Variants in ENO1 observed in about 807,000 individuals in gnomAD.
ENO1 encodes alpha-enolase.
ENO1 carries 33 observed loss-of-function variants against 46.3 expected under a neutral mutation model. The ratio of observed to expected loss-of-function variants is 0.71; its 90% CI spans 0.54 to 0.95. ENO1 has a LOEUF of 0.95. ENO1 is among the 40% of genes least tolerant of loss of function. The probability of loss-of-function intolerance (pLI) is 0.00; values close to 1 mark genes in which losing one functional copy is unlikely to be tolerated. For missense variants in ENO1, 488 were observed against 553.3 expected (o/e 0.88, Z 1.18); for synonymous variants, 220 against 216.0 (o/e 1.02, Z -0.16).
chr1:8,862,816 C>T, intron 11 of ENO1, 71 bp downstream of exon 11: 1 of 1,532,802 alleles, frequency 6.5e-7, no homozygotes, highest in Non-Finnish European at 8.9e-7. Context: ...TGGGGGAGGG[C>T]AGTGCCTACA....
At position 8,873,289 on chromosome 1, in the gene ENO1, C is replaced by A. The variant is rs141436119; in HGVS notation, c.86-1303G>T. Among the ~76,000 whole-genome samples the A allele has an allele frequency of 2.1e-3, 325 of 152,282 alleles. 1 individual carries two copies. The highest frequency in any genetic ancestry group is 7.6e-3 in the African/African-American group (316 of 41,560). Reference sequence around the variant, plus strand: ...CTCATGGGTTTATGTACCTCTGCACCTTCCGCCTGCTTCTGCTGTGAACCT... The same window carrying A: ...CTCATGGGTTTATGTACCTCTGCACATTCCGCCTGCTTCTGCTGTGAACCT... On this transcript the variant is annotated intron_variant, in intron 2 of 11. Coordinates refer to ENST00000234590, the MANE Select transcript of ENO1 (RefSeq NM_001428.5).
In ENO1 at chr1:8,870,856, T is replaced by C. The variant is rs574896386; in HGVS notation, c.182-346A>G. 3 of 1,317,682 alleles carry C rather than the reference T, an allele frequency of 2.3e-6. No individual in the cohort carries two copies. In the African/African-American group the frequency reaches 4.4e-5, roughly 19 times the overall value. 81.6% of individuals were successfully genotyped at this position (1,317,682 alleles called of 1,614,324 possible). ...GCACAGGGCTGGTGCCAGGAACTCATTAATATACTTAATGGGTCTGGAGAC... is the reference window on the plus strand; with the variant it reads ...GCACAGGGCTGGTGCCAGGAACTCACTAATATACTTAATGGGTCTGGAGAC... On this transcript the variant is annotated intron_variant, in intron 3 of 11. Transcript: ENST00000234590.
intron 7 of ENO1, among the ~76,000 whole-genome samples, chr1:8,865,695 T>C (rs1436461106): frequency 6.6e-6 from 1 of 152,204 alleles, no homozygotes; most frequent in South Asian, 2.1e-4. Flanking sequence ...TTCAGCTCTC[T>C]TTCCAAGAAA....
At chr1:8,861,880 TAAAAAA>T (rs749592337) in intron 11 of ENO1, among the ~76,000 whole-genome samples, 2 of 112,588 alleles carry the variant, frequency 1.8e-5, no homozygotes, top group African/African-American at 7.1e-5. Flanking sequence ...ATCTTGATGT[TAAAAAA>T]AAAAAAAAAA....
At chr1:8,875,953 G>A (rs113265746) in intron 1 of ENO1, 1 of 151,824 alleles carries the variant, frequency 6.6e-6, no homozygotes, top group Non-Finnish European at 1.5e-5. Flanking sequence ...TTCCCAACGG[G>A]GTTTTATAAT....
chr1:8,862,892 G>A lies in ENO1; in HGVS notation c.1230C>T (p.Leu410=), dbSNP rs1321471918. The change falls in exon 11 of 12, where the codon CTC becomes CTT. Residue 410 remains leucine (L), a synonymous_variant. Transcript: ENST00000234590. ...RSERLAKYNQ[L]LRIEEELGSK... is the part of the protein sequence containing the mutation. ...TTCTCAGGAGCCCTCCTTACCTGAG[G>A]AGCTGGTTGTACTTGGCCAAGCGCT... 1.9e-6 allele frequency: 3 copies of A among 1,613,968 alleles called. No individual in the cohort carries two copies. The highest frequency in any genetic ancestry group is 8.5e-7 in the Non-Finnish European group (1 of 1,179,988).
In ENO1 at chr1:8,867,141, G is replaced by A. The variant is rs770911403; in HGVS notation, c.420C>T (p.Asn140=). 5 of 1,614,146 alleles carry A rather than the reference G, an allele frequency of 3.1e-6. No individual in the cohort carries two copies. Among genetic ancestry groups the A allele is most frequent in the Admixed American group, 1.7e-5 (1 of 60,008 alleles). The change falls in exon 6 of 12, where the codon AAC becomes AAT. Residue 140 remains asparagine (N), a synonymous_variant. Transcript: ENST00000234590. ...CCGGGACTGGCAGGATGACTTCAGA[G>A]TTGCCAGCCAAGTCAGCGATGTGGC... is the stretch of plus-strand genomic sequence containing the variant. ...LYRHIADLAG[N]SEVILPVPAF... is the part of the protein sequence containing the mutation.
chr1:8,862,826 A>G, intron 11 of ENO1, 61 bp downstream of exon 11: 1 of 1,585,168 alleles, frequency 6.3e-7, no homozygotes, highest in East Asian at 2.3e-5. Context: ...CAGTGCCTAC[A>G]CTGAGTGCAG....
At chr1:8,867,824 C>G (rs1642555026) in intron 5 of ENO1, among the ~76,000 whole-genome samples, 164 bp downstream of exon 5, 1 of 152,196 alleles carries the variant, frequency 6.6e-6, no homozygotes, top group Admixed American at 6.5e-5. Context: ...GCCACCGCAC[C>G]TGGCCAAAAG....
intron 5 of ENO1, 143 bp from the exon 6 acceptor site, chr1:8,867,393 C>T: frequency 1.8e-5 from 22 of 1,218,122 alleles, no homozygotes; most frequent in Non-Finnish European, 2.5e-5. Flanking sequence ...ATACAAATAG[C>T]ATTCTATGTG....
intron 1 of ENO1, chr1:8,878,054 AAGCGCGGGCCGCG>A (rs1283632300): frequency 2.0e-4 from 31 of 154,838 alleles, no homozygotes; most frequent in South Asian, 7.1e-4. Flanking sequence ...TACTAGGCAG[AAGCGCGGGCCGCG>A]AGCGCGGGCG....
At chr1:8,865,232 C>T (rs1432970955) in intron 8 of ENO1, 53 bp downstream of exon 8, 1 of 1,599,444 alleles carries the variant, frequency 6.3e-7, no homozygotes, top group African/African-American at 1.3e-5. Context: ...GCTCCAGCTG[C>T]CCTGCTGCAG....
chr1:8,861,060 G>A lies in ENO1; in HGVS notation c.*300C>T, dbSNP rs1041690198. On this transcript the variant is annotated 3_prime_UTR_variant, in exon 12 of 12. Transcript: ENST00000234590. ...CACAAAACCACCGGGGATCTAGCCT[G>A]TGGCCACCCCGGAGATGACACGAGG... 5.8e-6 allele frequency: 2 copies of A among 344,834 alleles called. No individual in the cohort carries two copies. The highest frequency in any genetic ancestry group is 4.4e-5 in the Admixed American group (1 of 22,964). The allele number at this position is 344,834 out of a possible 1,614,324, so 21.4% of individuals were successfully genotyped here. A position where few individuals can be genotyped will look rare whatever the true frequency, so the allele number is the denominator to read the frequency against.
chr1:8,863,274 G>C lies in ENO1; in HGVS notation c.1137C>G (p.Thr379=). The C allele has an allele frequency of 2.5e-6, 4 of 1,614,174 alleles. No homozygotes were observed. The highest frequency in any genetic ancestry group is 3.4e-6 in the Non-Finnish European group (4 of 1,180,034). ...GCCCCACAACCAGGTCAGCGATGAAGGTATCTTCAGTCTCCCCCGAACGAT... is the reference window on the plus strand; with the variant it reads ...GCCCCACAACCAGGTCAGCGATGAACGTATCTTCAGTCTCCCCCGAACGAT... The part of the protein sequence containing the change: ...VSHRSGETED[T]FIADLVVGLC... The change falls in exon 10 of 12, where the codon ACC becomes ACG. Residue 379 remains threonine (T), a synonymous_variant. Transcript: ENST00000234590.
intron 1 of ENO1, chr1:8,875,938 ATTTC>A (rs1427267426): frequency 6.6e-6 from 1 of 151,928 alleles, no homozygotes; most frequent in Admixed American, 6.6e-5. Context: ...ACATCTAATT[ATTTC>A]TTCCCAACGG....
intron 11 of ENO1, among the ~76,000 whole-genome samples, chr1:8,861,972 C>T (rs138511329): frequency 7.9e-5 from 12 of 151,130 alleles, no homozygotes; most frequent in African/African-American, 2.7e-4. Flanking sequence ...ATGGTGAAAC[C>T]CCGTCTCTAT....
At chr1:8,878,047 T>TA (rs1642773195) in intron 1 of ENO1, 1 of 154,406 alleles carries the variant, frequency 6.5e-6, no homozygotes, top group East Asian at 1.9e-4. Context: ...CACCGCTTAC[T>TA]AGGCAGAAGC....
intron 2 of ENO1, among the ~76,000 whole-genome samples, chr1:8,874,404 C>T (rs1352971217): frequency 6.6e-6 from 1 of 151,556 alleles, no homozygotes; most frequent in African/African-American, 2.4e-5. Context: ...TGGTGAAACC[C>T]CCGTCTCTCC....
chr1:8,866,233 T>C (rs1424776605), intron 7 of ENO1, 46 bp downstream of exon 7: 1 of 1,555,358 alleles, frequency 6.4e-7, no homozygotes, highest in African/African-American at 1.4e-5. Flanking sequence ...CAGAGGGAGC[T>C]GGCGCTGCAG....
Sources: gnomAD v4.1 joint callset for allele counts (sites outside exome capture counted in the v4.1 genomes callset) on GRCh38, gnomAD v4.1.1 for gene constraint, MANE v1.5 for transcripts, NCBI Gene and HGNC (gene_info 2026-07-23, HGNC 2026-07-21) for gene names.